SLC39A11: variants seen among roughly 807,000 people sequenced by gnomAD.
The protein encoded by SLC39A11 is solute carrier family 39 member 11.
SLC39A11 carries 33 observed loss-of-function variants against 36.1 expected under a neutral mutation model. The ratio of observed to expected loss-of-function variants is 0.91; its 90% CI spans 0.69 to 1.22. The LOEUF (loss-of-function observed/expected upper bound fraction) is 1.22, where lower values mean the gene tolerates loss of function less well. Ranked by LOEUF, SLC39A11 falls within the 50% of genes most tolerant of loss-of-function variation. SLC39A11 has a pLI of 0.00. For missense variants in SLC39A11, 432 were observed against 430.3 expected, an observed-to-expected ratio of 1.00 and a Z score of -0.03; for synonymous variants, 166 against 170.3, an observed-to-expected ratio of 0.97 and a Z score of 0.20.
chr17:72,813,630 C>T (rs374637760), intron 6 of SLC39A11, among the ~76,000 whole-genome samples: 4 of 152,128 alleles, frequency 2.6e-5, no homozygotes, highest in African/African-American at 4.8e-5. Flanking sequence ...AAGTGTTCTC[C>T]GGAGAGAAAA....
chr17:72,966,246 A>G (rs868637557), intron 4 of SLC39A11, among the ~76,000 whole-genome samples: 9 of 152,306 alleles, frequency 5.9e-5, no homozygotes, highest in Middle Eastern at 3.4e-3. Flanking sequence ...TGGGTTCCAG[A>G]GAGGAAGAAC....
intron 7 of SLC39A11, among the ~76,000 whole-genome samples, chr17:72,702,030 T>G (rs1459069933): frequency 2.6e-5 from 1 of 38,016 alleles, no homozygotes; most frequent in African/African-American, 7.5e-5. Context: ...TGCCTGAGCC[T>G]GGGAGATGGA....
At chr17:72,963,257 G>A (rs1424889233) in intron 4 of SLC39A11, among the ~76,000 whole-genome samples, 2 of 131,562 alleles carry the variant, frequency 1.5e-5, no homozygotes, top group Admixed American at 9.4e-5. Flanking sequence ...TGCAAGCTCC[G>A]CCTCCCGGGT....
intron 4 of SLC39A11, among the ~76,000 whole-genome samples, chr17:72,971,611 C>T (rs1424298807): frequency 2.0e-5 from 3 of 152,216 alleles, no homozygotes; most frequent in Non-Finnish European, 4.4e-5. Flanking sequence ...CTTGACTCCC[C>T]GTGAGCAGAG....
intron 7 of SLC39A11, among the ~76,000 whole-genome samples, chr17:72,684,366 ACAT>A (rs1427110740): frequency 1.3e-5 from 2 of 152,184 alleles, no homozygotes; most frequent in Admixed American, 6.5e-5. Context: ...GGTAAGTAAC[ACAT>A]CATAAAATTG....
chr17:72,864,880 G>T (rs971947055), intron 5 of SLC39A11, among the ~76,000 whole-genome samples: 3 of 152,282 alleles, frequency 2.0e-5, no homozygotes, highest in Middle Eastern at 3.4e-3. Flanking sequence ...CAGAAGAAAG[G>T]CTGTTCCCTG....
rs558303769 is a variant in SLC39A11, at chr17:72,872,499, T to C, written c.431-22695A>G. On this transcript the variant is annotated intron_variant, in intron 5 of 9. Coordinates refer to ENST00000255559, the MANE Select transcript of SLC39A11 (RefSeq NM_139177.4). ...TGGGGGCAGTGGCGTAGCTCCTAAC[T>C]GGCTATGGCACCGAAAAGCTGATGA... 8.0e-4 allele frequency among the ~76,000 whole-genome samples: 122 copies of C among 152,294 alleles called. No individual in the cohort carries two copies. The Middle Eastern group carries it at 0.01, about 13-fold the overall frequency.
chr17:72,707,507 A>G (rs2072940618), intron 7 of SLC39A11, among the ~76,000 whole-genome samples: 1 of 152,234 alleles, frequency 6.6e-6, no homozygotes, highest in South Asian at 2.1e-4. Flanking sequence ...ATATGTATAC[A>G]TGTATAGGCA....
At chr17:72,923,510 C>G (rs1314824780) in intron 5 of SLC39A11, among the ~76,000 whole-genome samples, 1 of 152,170 alleles carries the variant, frequency 6.6e-6, no homozygotes. Flanking sequence ...AGCTTTGGAG[C>G]TGGGCAGTGA....
In SLC39A11 at chr17:72,849,719, A is replaced by G. The variant is rs1231752222; in HGVS notation, c.516T>C (p.Ser172=). 1 of 1,611,996 alleles carries G rather than the reference A, an allele frequency of 6.2e-7. No homozygotes were observed. The highest frequency in any genetic ancestry group is 1.7e-5 in the Admixed American group (1 of 59,628). ...CGCCGGGCTGTGCCAGATTCCCTCG[A>G]GAAGGCACAGGGACAGCAGGACCCT... ...LPEGPAVPVP[S]RGNLAQPGGS... Residue 172 remains serine, a synonymous_variant, in exon 6 of 10, where the codon TCT becomes TCC. Coordinates refer to ENST00000255559, the MANE Select transcript of SLC39A11 (RefSeq NM_139177.4).
At chr17:72,653,110 C>CTTT (rs72059767) in intron 7 of SLC39A11, among the ~76,000 whole-genome samples, 3 of 142,580 alleles carry the variant, frequency 2.1e-5, no homozygotes. Context: ...CTTTTTTTTT[C>CTTT]TTTTTTTTTT....
At chr17:72,761,185 G>A (rs1026648787) in intron 6 of SLC39A11, among the ~76,000 whole-genome samples, 1 of 152,090 alleles carries the variant, frequency 6.6e-6, no homozygotes, top group East Asian at 1.9e-4. Flanking sequence ...CATGATCTCG[G>A]TTCACTGCAA....
chr17:73,034,091 C>CT (rs1304584875), intron 3 of SLC39A11, among the ~76,000 whole-genome samples: 3 of 152,202 alleles, frequency 2.0e-5, no homozygotes, highest in African/African-American at 7.2e-5. Context: ...CCCCTCCCTG[C>CT]TACAGCCTAA....
rs568036023 is a variant in SLC39A11, at chr17:73,000,044, C to G, written c.306+31512G>C. On this transcript the variant is annotated intron_variant, in intron 4 of 9. Coordinates refer to ENST00000255559, the MANE Select transcript of SLC39A11 (RefSeq NM_139177.4). ...GGCCTGAGCCACCACCACACCTGGC[C>G]GGTATCCTGTATCTGAACCCCTTTC... Among the ~76,000 whole-genome samples the G allele has an allele frequency of 2.6e-5, 4 of 152,228 alleles. No homozygotes were observed. In the South Asian group the frequency reaches 8.3e-4, roughly 32 times the overall value.
In SLC39A11 at chr17:73,047,986, AAAAAATATATATATATATATATATATAT is replaced by A. The variant is rs1264218106; in HGVS notation, c.148-16300_148-16273del. Among the ~76,000 whole-genome samples, 31 of 42,222 alleles carry A rather than the reference AAAAAATATATATATATATATATATATAT, an allele frequency of 7.3e-4. 1 individual carries two copies. The highest frequency in any genetic ancestry group is 7.3e-4 in the African/African-American group (10 of 13,708). 27.7% of individuals were successfully genotyped at this position (42,222 alleles called of 152,430 possible). ...CATCTCAAAAAAAAAAAAAAAAAAAAAAAAATATATATATATATATATATATATATATATATATATCATGTATAGTTAC... is the reference window on the plus strand; with the variant it reads ...CATCTCAAAAAAAAAAAAAAAAAAAAATATATATATATCATGTATAGTTAC... On this transcript the variant is annotated intron_variant, in intron 3 of 9. Transcript: ENST00000255559.
In SLC39A11 at chr17:73,088,892, G is replaced by A. The variant is rs1436063541; in HGVS notation, c.-11-117C>T. ...TGGCCTCCCTCCAGGTTGACCGTAT[G>A]CACCCTTCCACCACGCCATCTGTGT... On this transcript the variant is annotated intron_variant, in intron 1 of 9. Transcript: ENST00000255559. 8.4e-6 allele frequency: 6 copies of A among 711,546 alleles called. No individual in the cohort carries two copies. The Admixed American group carries it at 1.0e-4, about 12-fold the overall frequency. 44.1% of individuals were successfully genotyped at this position (711,546 alleles called of 1,614,324 possible). A position where few individuals can be genotyped will look rare whatever the true frequency, so the allele number is the denominator to read the frequency against.
At chr17:72,705,838 C>A (rs561461626) in intron 7 of SLC39A11, among the ~76,000 whole-genome samples, 3 of 152,316 alleles carry the variant, frequency 2.0e-5, no homozygotes, top group Non-Finnish European at 4.4e-5. Flanking sequence ...GAATGTGCGA[C>A]ATTCACTACA....
chr17:72,957,558 C>T lies in SLC39A11; in HGVS notation c.307-9683G>A, dbSNP rs139026860. Among the ~76,000 whole-genome samples, 454 of 152,342 alleles carry T rather than the reference C, an allele frequency of 3.0e-3. 3 individuals carry two copies. Among genetic ancestry groups the T allele is most frequent in the African/African-American group, 0.01 (423 of 41,576 alleles). ...TTTCGGCCAGGCGCCGCAGCTCATG[C>T]CTGTAATCCCAGCACTTTGGGAGGC... On this transcript the variant is annotated intron_variant, in intron 4 of 9. Transcript: ENST00000255559.
chr17:72,934,554 T>C (rs1210501377), intron 5 of SLC39A11, among the ~76,000 whole-genome samples: 1 of 152,082 alleles, frequency 6.6e-6, no homozygotes, highest in African/African-American at 2.4e-5. Flanking sequence ...TAGTCCCAGC[T>C]ACTCGGGTGG....
Sources: gnomAD v4.1 joint callset for allele counts (sites outside exome capture counted in the v4.1 genomes callset) on GRCh38, gnomAD v4.1.1 for gene constraint, MANE v1.5 for transcripts, NCBI Gene and HGNC (gene_info 2026-07-23, HGNC 2026-07-21) for gene names.